Variants in ELFN2 observed in about 807,000 individuals in gnomAD.
ELFN2 encodes protein phosphatase 1 regulatory subunit 29.
In ELFN2, 17 loss-of-function variants were observed where a neutral mutation model predicts 45.5. That is an observed-to-expected ratio of 0.37 (90% CI 0.26 to 0.56). The LOEUF (loss-of-function observed/expected upper bound fraction) is 0.56, where lower values mean the gene tolerates loss of function less well. ELFN2 is among the 20% of genes least tolerant of loss of function. ELFN2 has a pLI of 0.77. For missense variants in ELFN2, 922 were observed against 1,183.2 expected (o/e 0.78, Z 3.24); for synonymous variants, 550 against 551.5 (o/e 1.00, Z 0.04).
chr22:37,385,028 G>C (rs1435957424), intron 2 of ELFN2: 2 of 152,418 alleles, frequency 1.3e-5, no homozygotes, highest in African/African-American at 2.4e-5. Flanking sequence ...AGGGTCCCAA[G>C]GGGCGAACGC....
In ELFN2 at chr22:37,374,831, A is replaced by T. The variant is rs1333311151; in HGVS notation, c.704T>A (p.Leu235His). The part of the protein sequence containing the change: ...PLLVPRPYHS[L>H]NAITVLQAKC... ...GGCCTGGAGTACGGTGATGGCGTTG[A>T]GGCTGTGGTAGGGCCGGGGCACCAG... Residue 235 changes from leucine (L) to histidine (H), a missense_variant, in exon 3 of 3, where the codon CTC becomes CAC. By Grantham distance (99) the Leu-to-His change is moderately conservative. Transcript: ENST00000402918. 1 of 1,607,176 alleles carries T rather than the reference A, an allele frequency of 6.2e-7. No homozygotes were observed. The highest frequency in any genetic ancestry group is 8.5e-7 in the Non-Finnish European group (1 of 1,179,780).
chr22:37,424,970 C>A (rs1181600440), intron 1 of ELFN2, among the ~76,000 whole-genome samples: 3 of 151,958 alleles, frequency 2.0e-5, no homozygotes, highest in Non-Finnish European at 1.5e-5. Context: ...CCCATGGTCT[C>A]CTTAACCCCC....
At chr22:37,376,935 C>T (rs984745145) in intron 2 of ELFN2, among the ~76,000 whole-genome samples, 15 of 152,204 alleles carry the variant, frequency 9.9e-5, no homozygotes, top group African/African-American at 2.9e-4. Flanking sequence ...CATAGCACAG[C>T]CTAGACCAGG....
intron 1 of ELFN2, among the ~76,000 whole-genome samples, chr22:37,425,730 G>A (rs541492697): frequency 6.6e-6 from 1 of 152,184 alleles, no homozygotes; most frequent in South Asian, 2.1e-4. Context: ...AGGGCCCCCG[G>A]CTCATCAGGA....
At chr22:37,354,002 A>C (rs1162172881) in intron 1 of ELFN2, 2 of 152,230 alleles carry the variant, frequency 1.3e-5, no homozygotes, top group Non-Finnish European at 2.9e-5. Flanking sequence ...GCCAAACGGG[A>C]AACGACCCAA....
intron 2 of ELFN2, among the ~76,000 whole-genome samples, chr22:37,405,162 G>A (rs1442029761): frequency 2.8e-5 from 4 of 142,620 alleles, no homozygotes; most frequent in African/African-American, 1.0e-4. Context: ...GCGTGATCTC[G>A]GCTTACTGCA....
intron 2 of ELFN2, among the ~76,000 whole-genome samples, chr22:37,405,033 C>T (rs1397236079): frequency 1.3e-5 from 2 of 151,674 alleles, no homozygotes; most frequent in Non-Finnish European, 2.9e-5. Flanking sequence ...AATCCTGGGT[C>T]CCCTACTTAC....
At chr22:37,413,098 G>A (rs949954023) in intron 2 of ELFN2, among the ~76,000 whole-genome samples, 1 of 152,176 alleles carries the variant, frequency 6.6e-6, no homozygotes, top group African/African-American at 2.4e-5. Context: ...GCCACAGACG[G>A]GGTGAGGTAC....
chr22:37,348,511 C>T (rs1930748104), intron 1 of ELFN2, among the ~76,000 whole-genome samples: 2 of 150,750 alleles, frequency 1.3e-5, no homozygotes, highest in African/African-American at 4.8e-5. Flanking sequence ...CCTGGAGTGT[C>T]TCCGAGCTGG....
chr22:37,378,004 G>A (rs9610721), intron 2 of ELFN2, among the ~76,000 whole-genome samples: 43,044 of 152,162 alleles, frequency 0.28, 6,408 homozygotes, highest in Middle Eastern at 0.45. Flanking sequence ...TCCACGAGCC[G>A]GCCTGTCAGA....
chr22:37,408,127 A>T (rs935590465), intron 2 of ELFN2, among the ~76,000 whole-genome samples: 2 of 152,152 alleles, frequency 1.3e-5, no homozygotes, highest in Non-Finnish European at 2.9e-5. Context: ...TGATCCCCCC[A>T]GGGGCTGCGG....
intron 2 of ELFN2, among the ~76,000 whole-genome samples, chr22:37,404,676 G>A (rs530349007): frequency 1.3e-5 from 2 of 152,280 alleles, no homozygotes; most frequent in African/African-American, 4.8e-5. Flanking sequence ...CAGCTGTTAA[G>A]ATGCTGGCCC....
At chr22:37,406,857 G>A (rs1245144893) in intron 2 of ELFN2, among the ~76,000 whole-genome samples, 9 of 152,186 alleles carry the variant, frequency 5.9e-5, no homozygotes, top group Non-Finnish European at 1.0e-4. Flanking sequence ...TGAAGGAGAC[G>A]TGGTCAGAAG....
chr22:37,364,777 A>AG (rs1328243563), downstream of ELFN2, among the ~76,000 whole-genome samples: 2 of 152,202 alleles, frequency 1.3e-5, no homozygotes, highest in African/African-American at 4.8e-5. Flanking sequence ...GTCTGAGAAA[A>AG]GGGCAGGTGG....
chr22:37,377,767 G>A (rs1931623363), intron 2 of ELFN2, among the ~76,000 whole-genome samples: 1 of 152,240 alleles, frequency 6.6e-6, no homozygotes, highest in Admixed American at 6.5e-5. Context: ...GCACCACAAG[G>A]CAGCCAGGCA....
In ELFN2 at chr22:37,375,592, GCTGGGGCTGGCAGTACAGTCCTCC is replaced by G. The variant is rs1361092814; in HGVS notation, c.-82_-59del. The stretch of plus-strand genomic sequence containing the variant: ...GGCAGGGGGTGCCTAGCGGCCAGAG[GCTGGGGCTGGCAGTACAGTCCTCC>G]CTGGGGCCGCCACCATCTTGGGGGC... On this transcript the variant is annotated 5_prime_UTR_variant, in exon 3 of 3. Coordinates refer to ENST00000402918, the MANE Select transcript of ELFN2 (RefSeq NM_052906.5). 6.8e-7 allele frequency: 1 copy of G among 1,477,338 alleles called. No individual in the cohort carries two copies. Among genetic ancestry groups the G allele is most frequent in the Non-Finnish European group, 9.0e-7 (1 of 1,113,186 alleles). 91.5% of individuals were successfully genotyped at this position (1,477,338 alleles called of 1,614,324 possible).
chr22:37,405,954 T>C (rs928829897), intron 2 of ELFN2, among the ~76,000 whole-genome samples: 15 of 151,478 alleles, frequency 9.9e-5, no homozygotes, highest in African/African-American at 2.4e-4. Flanking sequence ...CTGGGCAACA[T>C]AGTAAGACCC....
At chr22:37,414,683 C>T (rs1476323652) in intron 2 of ELFN2, among the ~76,000 whole-genome samples, 1 of 152,202 alleles carries the variant, frequency 6.6e-6, no homozygotes, top group African/African-American at 2.4e-5. Context: ...GATCCCATAG[C>T]CCATAAATGA....
At chr22:37,355,538 C>T (rs901451623) in intron 1 of ELFN2, among the ~76,000 whole-genome samples, 2 of 152,182 alleles carry the variant, frequency 1.3e-5, no homozygotes, top group African/African-American at 4.8e-5. Flanking sequence ...CTTCTCAGAC[C>T]TCACCTCTGC....
Sources: allele counts gnomAD v4.1 joint callset (sites outside exome capture counted in the v4.1 genomes callset), GRCh38; gene constraint gnomAD v4.1.1; transcripts MANE v1.5; gene names NCBI Gene and HGNC (gene_info 2026-07-23, HGNC 2026-07-21).